The following AUTS2 variants were observed in gnomAD, a reference collection of about 807,000 sequenced individuals.
AUTS2 encodes the protein activator of transcription and developmental regulator AUTS2.
In AUTS2, 17 loss-of-function variants were observed where a neutral mutation model predicts 112.4. The observed-to-expected ratio is 0.15, with a 90% CI of 0.10 to 0.23. The LOEUF (loss-of-function observed/expected upper bound fraction) is 0.23, where lower values mean the gene tolerates loss of function less well. AUTS2 is among the 10% of genes least tolerant of loss of function. The probability of loss-of-function intolerance (pLI) is 1.00; values close to 1 mark genes in which losing one functional copy is unlikely to be tolerated. For synonymous variants in AUTS2, 751 were observed against 702.7 expected (o/e 1.07, Z -1.09); for missense variants, 1,510 against 1,701.6 (o/e 0.89, Z 1.98).
chr7:70,056,394 C>T (rs915617981), intron 2 of AUTS2, among the ~76,000 whole-genome samples: 8 of 152,158 alleles, frequency 5.3e-5, no homozygotes, highest in Non-Finnish European at 1.0e-4. Context: ...TGTGTCCCTC[C>T]TTCATCACCT....
intron 4 of AUTS2, among the ~76,000 whole-genome samples, chr7:70,426,917 T>G (rs1795461658): frequency 6.6e-6 from 1 of 152,160 alleles, no homozygotes; most frequent in South Asian, 2.1e-4. Flanking sequence ...TTTTTACTCA[T>G]CAGCAAATTT....
chr7:70,751,131 C>T (rs1455427463), intron 6 of AUTS2, among the ~76,000 whole-genome samples: 3 of 152,130 alleles, frequency 2.0e-5, no homozygotes, highest in Admixed American at 1.3e-4. Context: ...GACAGGGGCG[C>T]GTTGCAACAC....
chr7:70,359,250 A>G (rs1792146604), intron 4 of AUTS2, among the ~76,000 whole-genome samples: 2 of 152,226 alleles, frequency 1.3e-5, no homozygotes, highest in South Asian at 4.1e-4. Context: ...ACCTTTGTTA[A>G]ACCTCTTTAA....
intron 1 of AUTS2, among the ~76,000 whole-genome samples, chr7:69,780,266 G>T (rs925633427): frequency 6.6e-6 from 1 of 152,142 alleles, no homozygotes; most frequent in Non-Finnish European, 1.5e-5. Flanking sequence ...TTAAAAAATT[G>T]CACTCTAAGA....
intron 5 of AUTS2, among the ~76,000 whole-genome samples, chr7:70,520,608 A>G (rs1413000106): frequency 6.6e-6 from 1 of 152,230 alleles, no homozygotes; most frequent in African/African-American, 2.4e-5. Flanking sequence ...CCAATAAAAA[A>G]TACCCTTTTA....
At chr7:70,516,156 G>A (rs1041211859) in intron 5 of AUTS2, among the ~76,000 whole-genome samples, 1 of 152,202 alleles carries the variant, frequency 6.6e-6, no homozygotes, top group African/African-American at 2.4e-5. Context: ...ATTGAACAGA[G>A]AGACAGTAAT....
In AUTS2 at chr7:69,729,994, ATTTT is replaced by A. The variant is rs10684331; in HGVS notation, c.309+130054_309+130057del. ...GTTTTTTTTTGTTGTTGTTGTTTTA[ATTTT>A]TTTTTTTTTTTTTTTTTTTTTAGAA... On this transcript the variant is annotated intron_variant, in intron 1 of 18. Transcript: ENST00000342771. Among the ~76,000 whole-genome samples, 537 of 56,786 alleles carry A rather than the reference ATTTT, an allele frequency of 9.5e-3. 6 individuals carry two copies. The highest frequency in any genetic ancestry group is 0.043 in the African/African-American group (507 of 11,908). The allele number at this position is 56,786 out of a possible 152,430, so 37.3% of individuals were successfully genotyped here. A position where few individuals can be genotyped will look rare whatever the true frequency, so the allele number is the denominator to read the frequency against.
chr7:70,118,351 C>T (rs907327010), intron 3 of AUTS2, 118 bp downstream of exon 3: 11 of 1,219,180 alleles, frequency 9.0e-6, no homozygotes, highest in Non-Finnish European at 1.2e-5. Flanking sequence ...AACTTTTTGT[C>T]TACCCAAGCA....
chr7:70,418,386 C>T (rs1232980102), intron 4 of AUTS2, among the ~76,000 whole-genome samples: 1 of 152,190 alleles, frequency 6.6e-6, no homozygotes, highest in Non-Finnish European at 1.5e-5. Context: ...CCCACACAAA[C>T]CTAGGGGCTC....
intron 1 of AUTS2, among the ~76,000 whole-genome samples, chr7:69,642,349 TC>T (rs1185452598): frequency 6.6e-6 from 1 of 152,132 alleles, no homozygotes; most frequent in Non-Finnish European, 1.5e-5. Flanking sequence ...GACAAATCCA[TC>T]CCAGTTTTCT....
chr7:69,609,445 G>C (rs777387417), intron 1 of AUTS2, among the ~76,000 whole-genome samples: 1 of 152,082 alleles, frequency 6.6e-6, no homozygotes, highest in Non-Finnish European at 1.5e-5. Flanking sequence ...TTTAAACACT[G>C]CCTCCCACCT....
intron 2 of AUTS2, among the ~76,000 whole-genome samples, chr7:69,972,078 G>A (rs924779268): frequency 7.9e-5 from 12 of 152,046 alleles, no homozygotes; most frequent in South Asian, 2.1e-4. Flanking sequence ...GTTTACTTGC[G>A]CATTCACCAG....
chr7:70,172,966 G>A (rs1294338490), intron 4 of AUTS2, among the ~76,000 whole-genome samples: 1 of 152,192 alleles, frequency 6.6e-6, no homozygotes, highest in Non-Finnish European at 1.5e-5. Flanking sequence ...TTGATACCTA[G>A]TAAGTAGTAG....
At chr7:70,532,412 G>T (rs886959336) in intron 5 of AUTS2, among the ~76,000 whole-genome samples, 1 of 152,044 alleles carries the variant, frequency 6.6e-6, no homozygotes, top group East Asian at 1.9e-4. Context: ...ATTCCTTTGG[G>T]TCTTAAAGAG....
chr7:70,351,059 T>A (rs1016033104), intron 4 of AUTS2, among the ~76,000 whole-genome samples: 1 of 151,542 alleles, frequency 6.6e-6, no homozygotes, highest in African/African-American at 2.4e-5. Context: ...CTTCTTTTTT[T>A]TTTTTTTTTT....
chr7:70,259,915 G>A, intron 4 of AUTS2, among the ~76,000 whole-genome samples: 1 of 150,878 alleles, frequency 6.6e-6, no homozygotes, highest in East Asian at 2.0e-4. Flanking sequence ...GAAGAAAGAG[G>A]TCCCAAGAGC....
At chr7:70,557,749 G>A (rs1159835065) in intron 5 of AUTS2, among the ~76,000 whole-genome samples, 1 of 152,138 alleles carries the variant, frequency 6.6e-6, no homozygotes, top group Non-Finnish European at 1.5e-5. Context: ...GGAGTTGTCG[G>A]GAGCAGTCAG....
At chr7:69,910,253 C>T (rs1795299649) in intron 2 of AUTS2, among the ~76,000 whole-genome samples, 1 of 152,214 alleles carries the variant, frequency 6.6e-6, no homozygotes, top group Admixed American at 6.5e-5. Context: ...CTGGAATCCT[C>T]TGTGGCAGGG....
At chr7:70,497,462 C>T (rs113723239) in intron 5 of AUTS2, among the ~76,000 whole-genome samples, 12 of 152,266 alleles carry the variant, frequency 7.9e-5, no homozygotes, top group African/African-American at 2.2e-4. Context: ...TTACGTGTAA[C>T]CATGGTTAGA....
Sources: gnomAD v4.1 joint callset for allele counts (sites outside exome capture counted in the v4.1 genomes callset) on GRCh38, gnomAD v4.1.1 for gene constraint, MANE v1.5 for transcripts, NCBI Gene and HGNC (gene_info 2026-07-23, HGNC 2026-07-21) for gene names.